The following TMPRSS11A variants were observed in gnomAD, a reference collection of about 807,000 sequenced individuals.
TMPRSS11A encodes transmembrane protease serine 11A.
Under a neutral mutation model 58.9 loss-of-function variants are expected in TMPRSS11A, and 53 were observed. That is an observed-to-expected ratio of 0.90 (90% CI 0.72 to 1.13). The LOEUF is 1.13. Ranked by LOEUF, TMPRSS11A falls within the 50% of genes most tolerant of loss-of-function variation. The probability of loss-of-function intolerance (pLI) is 0.00; values close to 1 mark genes in which losing one functional copy is unlikely to be tolerated. For missense variants in TMPRSS11A, 493 were observed against 499.3 expected (o/e 0.99, Z 0.12); for synonymous variants, 167 against 169.8 (o/e 0.98, Z 0.13).
chr4:67,939,798 C>G (rs376131024), intron 3 of TMPRSS11A, among the ~76,000 whole-genome samples: 1 of 152,158 alleles, frequency 6.6e-6, no homozygotes, highest in East Asian at 1.9e-4. Context: ...AAGTGATTCT[C>G]CTGCCTCAGC....
In TMPRSS11A at chr4:67,919,242, G is replaced by A. The variant is rs1160172691; in HGVS notation, c.693-10C>T. The A allele has an allele frequency of 1.9e-6, 3 of 1,612,362 alleles. No homozygotes were observed. The highest frequency in any genetic ancestry group is 2.5e-6 in the Non-Finnish European group (3 of 1,179,096). On this transcript the variant is annotated splice_polypyrimidine_tract_variant and intron_variant, in intron 7 of 9. Transcript: ENST00000508048. ...ATGTGGATTTTTATACCTGGAAAAGGTTAGAAATTAACAGAATATATATAA... is the reference window on the plus strand; with the variant it reads ...ATGTGGATTTTTATACCTGGAAAAGATTAGAAATTAACAGAATATATATAA...
chr4:67,926,667 C>T (rs1413546840), intron 5 of TMPRSS11A, among the ~76,000 whole-genome samples: 2 of 152,168 alleles, frequency 1.3e-5, no homozygotes, highest in Admixed American at 6.5e-5. Flanking sequence ...GCAGGGAGGG[C>T]GTGGGGAGAA....
rs895485673 is a variant in TMPRSS11A, at chr4:67,911,378, A to G, written c.1221T>C (p.Tyr407=). Residue 407 remains tyrosine (Y), a synonymous_variant, in exon 10 of 10, where the codon TAT becomes TAC. Coordinates refer to ENST00000508048, the MANE Select transcript of TMPRSS11A (RefSeq NM_001114387.2). ...TTTTTGAAGCAATCCAGTTTCGGTA[A>G]TAAGTCACTTGTGTGTAGACTCCAG... ...DKPGVYTQVT[Y]YRNWIASKTG... is the part of the protein sequence containing the mutation. 2.5e-6 allele frequency: 4 copies of G among 1,613,302 alleles called. No homozygotes were observed. Among genetic ancestry groups the G allele is most frequent in the African/African-American group, 2.7e-5 (2 of 74,922 alleles).
At chr4:67,935,945 T>G (rs141245285) in intron 3 of TMPRSS11A, among the ~76,000 whole-genome samples, 56 of 152,286 alleles carry the variant, frequency 3.7e-4, no homozygotes, top group Non-Finnish European at 7.2e-4. Context: ...CTGCCATATA[T>G]GCACCAAGCA....
At chr4:67,911,696 T>C (rs1719985591) in intron 9 of TMPRSS11A, among the ~76,000 whole-genome samples, 193 bp from the exon 10 acceptor site, 1 of 152,110 alleles carries the variant, frequency 6.6e-6, no homozygotes, top group African/African-American at 2.4e-5. Flanking sequence ...ATTTAAAAAA[T>C]AAAATTTATT....
chr4:67,937,803 A>T (rs560262085), intron 3 of TMPRSS11A, among the ~76,000 whole-genome samples: 10 of 152,162 alleles, frequency 6.6e-5, no homozygotes, highest in African/African-American at 2.4e-4. Flanking sequence ...TGTCCAATCC[A>T]CCATTGATGG....
At chr4:67,926,469 G>A (rs1383117922) in intron 5 of TMPRSS11A, among the ~76,000 whole-genome samples, 2 of 152,238 alleles carry the variant, frequency 1.3e-5, no homozygotes, top group African/African-American at 2.4e-5. Context: ...AGGCTGTCTG[G>A]AGCAGTGGTA....
intron 6 of TMPRSS11A, 64 bp downstream of exon 6, chr4:67,924,064 A>G (rs1355323327): frequency 7.3e-7 from 1 of 1,362,532 alleles, no homozygotes; most frequent in Non-Finnish European, 1.1e-6. Flanking sequence ...GTATGAGCAA[A>G]TATTTGAAAA....
In TMPRSS11A at chr4:67,919,136, C is replaced by T; in HGVS notation, c.789G>A (p.Lys263=). The change falls in exon 8 of 10, where the codon AAG becomes AAA. Residue 263 remains lysine, a synonymous_variant. Transcript: ENST00000508048. ...RNVRRFIIHE[K]YRSAAREYDI... The stretch of plus-strand genomic sequence containing the variant: ...CGTACTCTCTTGCTGCAGAGCGGTA[C>T]TTCTCATGGATAATAAATCTTCTGA... 6.2e-7 allele frequency: 1 copy of T among 1,614,180 alleles called. No homozygotes were observed. Among genetic ancestry groups the T allele is most frequent in the Non-Finnish European group, 8.5e-7 (1 of 1,180,012 alleles).
intron 1 of TMPRSS11A, among the ~76,000 whole-genome samples, chr4:67,961,597 G>A (rs951714334): frequency 3.6e-5 from 5 of 138,094 alleles, no homozygotes; most frequent in African/African-American, 5.6e-5. Context: ...TGCAACCTCC[G>A]ACTCCCAAGT....
intron 3 of TMPRSS11A, among the ~76,000 whole-genome samples, chr4:67,936,300 T>A (rs113508570): frequency 0.011 from 1,596 of 151,486 alleles, 28 homozygotes; most frequent in African/African-American, 0.036. Flanking sequence ...GCAGTCCTTT[T>A]AAGTTCGTAT....
rs114820366 is a variant in TMPRSS11A, at chr4:67,950,462, G to A, written c.12-3891C>T. ...CCCAGGCTCTTTAAAAATGTCATCC[G>A]ATTAGGGTAGGCCCATCAGGGATAC... On this transcript the variant is annotated intron_variant, in intron 1 of 9. Transcript: ENST00000508048. 1.2e-3 allele frequency among the ~76,000 whole-genome samples: 178 copies of A among 152,272 alleles called. 2 individuals are homozygous for A. Among genetic ancestry groups the A allele is most frequent in the Middle Eastern group, 3.4e-3 (1 of 294 alleles).
chr4:67,916,142 C>A (rs1316647213), intron 8 of TMPRSS11A, among the ~76,000 whole-genome samples: 1 of 151,804 alleles, frequency 6.6e-6, no homozygotes, highest in African/African-American at 2.4e-5. Context: ...GTGTTCTTGC[C>A]ACAAAAATGA....
intron 1 of TMPRSS11A, among the ~76,000 whole-genome samples, chr4:67,957,802 C>A (rs566229070): frequency 6.6e-6 from 1 of 152,262 alleles, no homozygotes; most frequent in South Asian, 2.1e-4. Context: ...AAGGCAGCTC[C>A]TCCCATCACA....
chr4:67,954,244 T>G (rs1721229121), intron 1 of TMPRSS11A, among the ~76,000 whole-genome samples: 1 of 152,180 alleles, frequency 6.6e-6, no homozygotes, highest in Non-Finnish European at 1.5e-5. Context: ...CTCAGGAGAT[T>G]GAGGCTGAAG....
At chr4:67,956,241 A>G (rs923149963) in intron 1 of TMPRSS11A, among the ~76,000 whole-genome samples, 4 of 152,170 alleles carry the variant, frequency 2.6e-5, no homozygotes, top group African/African-American at 7.2e-5. Context: ...ATTATTAACA[A>G]TTTACTAATG....
intron 9 of TMPRSS11A, 93 bp downstream of exon 9, chr4:67,914,495 C>A: frequency 8.6e-7 from 1 of 1,169,494 alleles, no homozygotes; most frequent in South Asian, 1.5e-5. Flanking sequence ...GACATGATAT[C>A]TATGTTTTGT....
intron 5 of TMPRSS11A, among the ~76,000 whole-genome samples, chr4:67,925,628 C>G (rs1002219075): frequency 1.3e-5 from 2 of 152,188 alleles, no homozygotes; most frequent in African/African-American, 4.8e-5. Context: ...TCAGGACCAT[C>G]GATTGCTGTT....
chr4:67,929,572 G>A (rs13435828), intron 5 of TMPRSS11A, among the ~76,000 whole-genome samples: 7,869 of 152,242 alleles, frequency 0.052, 224 homozygotes, highest in Middle Eastern at 0.075. Context: ...TAAACCCCTA[G>A]TATTTTCACT....
Sources: allele counts gnomAD v4.1 joint callset (sites outside exome capture counted in the v4.1 genomes callset), GRCh38; gene constraint gnomAD v4.1.1; transcripts MANE v1.5; gene names NCBI Gene and HGNC (gene_info 2026-07-23, HGNC 2026-07-21).